Variants in MIEF1 observed in about 807,000 individuals in gnomAD.
MIEF1 encodes mitochondrial dynamics protein MIEF1.
MIEF1 carries 14 observed loss-of-function variants against 35.1 expected under a neutral mutation model. The ratio of observed to expected loss-of-function variants is 0.40; its 90% confidence interval spans 0.26 to 0.62. MIEF1 has a LOEUF of 0.62. Ranked by LOEUF, MIEF1 falls within the 20% of genes least tolerant of loss-of-function variation. MIEF1 has a pLI of 0.43. For missense variants in MIEF1, 542 were observed against 615.4 expected (o/e 0.88, Z 1.26); for synonymous variants, 245 against 254.3 (o/e 0.96, Z 0.35).
chr22:39,513,431 A>T lies in MIEF1; in HGVS notation c.586-86A>T, dbSNP rs547595080. On this transcript the variant is annotated intron_variant, in intron 5 of 5. Coordinates refer to ENST00000325301, the MANE Select transcript of MIEF1 (RefSeq NM_019008.6). Reference sequence around the variant, plus strand: ...GAGTTCCCATTCTTGCTGGGGGGGAATGTAAGATGGTGGGAACCGTCTTAG... The same window carrying T: ...GAGTTCCCATTCTTGCTGGGGGGGATTGTAAGATGGTGGGAACCGTCTTAG... 20 of 1,319,266 alleles carry T rather than the reference A, an allele frequency of 1.5e-5. No homozygotes were observed. The East Asian group carries it at 1.9e-4, about 12-fold the overall frequency. 81.7% of individuals were successfully genotyped at this position (1,319,266 alleles called of 1,614,324 possible). A position where few individuals can be genotyped will look rare whatever the true frequency, so the allele number is the denominator to read the frequency against.
chr22:39,514,234 T>C lies in MIEF1; in HGVS notation c.1303T>C (p.Phe435Leu), dbSNP rs1285800094. 3.1e-6 allele frequency: 5 copies of C among 1,614,076 alleles called. No individual in the cohort carries two copies. In the South Asian group the frequency reaches 3.3e-5, roughly 11 times the overall value. The change falls in exon 6 of 6, where the codon TTT (phenylalanine) becomes CTT (leucine). Residue 435 changes from phenylalanine (F) to leucine (L), a missense_variant. By Grantham distance (22) the Phe-to-Leu change is conservative (BLOSUM62 0). Coordinates refer to ENST00000325301, the MANE Select transcript of MIEF1 (RefSeq NM_019008.6). Reference protein sequence around the residue: ...PSALNPKVNLFAELTPEEIDE... With the variant: ...PSALNPKVNLLAELTPEEIDE... ...TGCCCTAAACCCCAAGGTGAACTTA[T>C]TTGCAGAGCTCACCCCTGAAGAAAT...
At chr22:39,512,110 C>A in intron 4 of MIEF1, 84 bp downstream of exon 4, 1 of 1,557,124 alleles carries the variant, frequency 6.4e-7, no homozygotes. Flanking sequence ...CTGAGCACAT[C>A]TGTGCCAGGC....
intron 2 of MIEF1, among the ~76,000 whole-genome samples, chr22:39,510,615 G>T (rs1569017806): frequency 6.6e-6 from 1 of 152,288 alleles, no homozygotes; most frequent in East Asian, 1.9e-4. Flanking sequence ...CCTATGTTGA[G>T]AACCTCTGTG....
chr22:39,505,689 G>A (rs777162133), intron 2 of MIEF1, among the ~76,000 whole-genome samples: 17 of 152,142 alleles, frequency 1.1e-4, no homozygotes, highest in Non-Finnish European at 1.9e-4. Flanking sequence ...CATTTGTATC[G>A]TAGAGGGAGC....
In MIEF1 at chr22:39,515,557, AG is replaced by A. The variant is rs1178199307; in HGVS notation, c.*1236del. On this transcript the variant is annotated 3_prime_UTR_variant, in exon 6 of 6. Transcript: ENST00000325301. ...GCACCTGGGGAGATCGGTGCTACCA[AG>A]GAAGAGAGCACACAGATAAGACAGA... is the stretch of plus-strand genomic sequence containing the variant. The A allele has an allele frequency of 1.7e-6, 1 of 579,710 alleles. No homozygotes were observed. Among genetic ancestry groups the A allele is most frequent in the African/African-American group, 1.9e-5 (1 of 53,452 alleles). The allele number at this position is 579,710 out of a possible 1,614,324, so 35.9% of individuals were successfully genotyped here.
Position 39,513,582 on chromosome 22 carries a change from T to C in MIEF1, c.651T>C (p.Cys217=). 6.2e-7 allele frequency: 1 copy of C among 1,614,238 alleles called. No individual in the cohort carries two copies. Among genetic ancestry groups the C allele is most frequent in the Non-Finnish European group, 8.5e-7 (1 of 1,180,040 alleles). The part of the protein sequence containing the change: ...PLVLEQNLWS[C]IPGEDTIMNV... Reference sequence around the variant, plus strand: ...TGCTGGAGCAGAACCTGTGGTCATGTATTCCTGGTGAAGACACCATCATGA... The same window carrying C: ...TGCTGGAGCAGAACCTGTGGTCATGCATTCCTGGTGAAGACACCATCATGA... The change falls in exon 6 of 6, where the codon TGT becomes TGC. Residue 217 remains cysteine (C), a synonymous_variant. Coordinates refer to ENST00000325301, the MANE Select transcript of MIEF1 (RefSeq NM_019008.6).
rs144509053 is a variant in MIEF1 at position 39,511,863 on chromosome 22, G to A, written c.159G>A (p.Ala53=). The A allele has an allele frequency of 1.1e-4, 175 of 1,613,284 alleles. No individual in the cohort carries two copies. In the African/African-American group the frequency reaches 2.0e-3, roughly 18 times the overall value. Residue 53 remains alanine (A), a synonymous_variant, in exon 4 of 6, where the codon GCG becomes GCA. Transcript: ENST00000325301. The part of the protein sequence containing the change: ...TLAVKRMYDR[A]ISAPTSPTRL... ...TGCTATTTCAGATGTACGATCGGGC[G>A]ATCAGTGCCCCTACCAGCCCCACCC... is the stretch of plus-strand genomic sequence containing the variant.
chr22:39,512,296 AC>A lies in MIEF1; in HGVS notation c.388del (p.Arg130AspfsTer57). 1 of 1,614,132 alleles carries A rather than the reference AC, an allele frequency of 6.2e-7. No homozygotes were observed. The highest frequency in any genetic ancestry group is 8.5e-7 in the Non-Finnish European group (1 of 1,179,978). ...RKGQVDLKKS[R>X]LRMSLQEKLL... ...AGGGCCAGGTAGACTTGAAGAAGTC[AC>A]GACTCCGCATGTCCCTGCAGGAGAA... On this transcript the variant is annotated frameshift_variant, in exon 5 of 6. Coordinates refer to ENST00000325301, the MANE Select transcript of MIEF1 (RefSeq NM_019008.6). LOFTEE classifies it high-confidence loss of function.
chr22:39,514,528 C>G lies in MIEF1; in HGVS notation c.*205C>G, dbSNP rs950090808. On this transcript the variant is annotated 3_prime_UTR_variant, in exon 6 of 6. Coordinates refer to ENST00000325301, the MANE Select transcript of MIEF1 (RefSeq NM_019008.6). ...CTCTTCCTATTTTTGTTACCAATCACTGTGCTCTCTGCCGCCCCCTGGCTC... is the reference window on the plus strand; with the variant it reads ...CTCTTCCTATTTTTGTTACCAATCAGTGTGCTCTCTGCCGCCCCCTGGCTC... 159 of 602,304 alleles carry G rather than the reference C, an allele frequency of 2.6e-4. No individual in the cohort carries two copies. Among genetic ancestry groups the G allele is most frequent in the Non-Finnish European group, 3.6e-4 (123 of 345,398 alleles). The allele number at this position is 602,304 out of a possible 1,614,324, so 37.3% of individuals were successfully genotyped here.
intron 2 of MIEF1, among the ~76,000 whole-genome samples, chr22:39,510,505 A>G (rs966930369): frequency 6.6e-6 from 1 of 152,186 alleles, no homozygotes; most frequent in Admixed American, 6.5e-5. Flanking sequence ...TTCTGGCCAC[A>G]AGCGATCTTC....
rs746975740 is a variant in MIEF1, at chr22:39,514,010, G to T, written c.1079G>T (p.Arg360Leu). The change falls in exon 6 of 6, where the codon CGA becomes CTA. Residue 360 changes from arginine (R) to leucine (L), a missense_variant. By Grantham distance (102) the Arg-to-Leu change is moderately radical. Transcript: ENST00000325301. Reference protein sequence around the residue: ...RALDQADSGCRSLCLKILKAI... With the variant: ...RALDQADSGCLSLCLKILKAI... Reference sequence around the variant, plus strand: ...CTGGACCAGGCTGACTCGGGCTGCCGATCTCTGTGCCTCAAGATCCTCAAG... The same window carrying T: ...CTGGACCAGGCTGACTCGGGCTGCCTATCTCTGTGCCTCAAGATCCTCAAG... 1.9e-6 allele frequency: 3 copies of T among 1,613,352 alleles called. No individual in the cohort carries two copies. Among genetic ancestry groups the T allele is most frequent in the Non-Finnish European group, 2.5e-6 (3 of 1,180,010 alleles).
chr22:39,513,675 G>C lies in MIEF1; in HGVS notation c.744G>C (p.Trp248Cys). ...ACTTTCCTCGTGGGAGCAGTTACTG[G>C]GACCGCTGTGTAGTAGGGGGCTACC... The part of the protein sequence containing the change: ...PEYFPRGSSY[W>C]DRCVVGGYLS... The change falls in exon 6 of 6, where the codon TGG becomes TGC. Residue 248 changes from tryptophan to cysteine, a missense_variant. By Grantham distance (215) the Trp-to-Cys change is radical (BLOSUM62 -2). Coordinates refer to ENST00000325301, the MANE Select transcript of MIEF1 (RefSeq NM_019008.6). 1 of 1,614,118 alleles carries C rather than the reference G, an allele frequency of 6.2e-7. No homozygotes were observed. Among genetic ancestry groups the C allele is most frequent in the Non-Finnish European group, 8.5e-7 (1 of 1,180,026 alleles).
Position 39,511,304 on chromosome 22 carries a change from G to C in MIEF1, c.10G>C (p.Ala4Pro). The change falls in exon 3 of 6, where the codon GCT becomes CCT. Residue 4 changes from alanine (A) to proline (P), a missense_variant. By Grantham distance (27) the Ala-to-Pro change is conservative. Coordinates refer to ENST00000325301, the MANE Select transcript of MIEF1 (RefSeq NM_019008.6). ...CATTCTCAGATGAGCAATGGCAGGC[G>C]CTGGTGAGCGCAAAGGCAAGAAGGA... The part of the protein sequence containing the change: MAG[A>P]GERKGKKDDN... 6.2e-7 allele frequency: 1 copy of C among 1,613,708 alleles called. No homozygotes were observed. The highest frequency in any genetic ancestry group is 8.5e-7 in the Non-Finnish European group (1 of 1,179,870).
intron 1 of MIEF1, 98 bp from the exon 2 acceptor site, chr22:39,504,105 C>G (rs972587273): frequency 7.6e-6 from 3 of 397,046 alleles, no homozygotes; most frequent in South Asian, 2.9e-4. Flanking sequence ...AGCGGGGGGT[C>G]TCTGGAACTT....
At chr22:39,501,903 G>C (rs377659588), upstream of MIEF1, 1 of 152,564 alleles carries the variant, frequency 6.6e-6, no homozygotes, top group East Asian at 1.9e-4. Context: ...GGGTTTTGAG[G>C]AGCTCTGAAT....
At chr22:39,512,621 C>A in intron 5 of MIEF1, 127 bp downstream of exon 5, 1 of 1,224,822 alleles carries the variant, frequency 8.2e-7, no homozygotes, top group Non-Finnish European at 1.1e-6. Flanking sequence ...CTGTGTACCT[C>A]AGCAGCATTT....
chr22:39,514,473 A>T lies in MIEF1; in HGVS notation c.*150A>T. On this transcript the variant is annotated 3_prime_UTR_variant, in exon 6 of 6. Coordinates refer to ENST00000325301, the MANE Select transcript of MIEF1 (RefSeq NM_019008.6). ...GTCACTTCATGCTGATTAGAATGAC[A>T]TCTCTTTCGTCTCCTATTTTGTTAC... 1 of 712,716 alleles carries T rather than the reference A, an allele frequency of 1.4e-6. No homozygotes were observed. Among genetic ancestry groups the T allele is most frequent in the Non-Finnish European group, 2.3e-6 (1 of 434,648 alleles). 44.1% of individuals were successfully genotyped at this position (712,716 alleles called of 1,614,324 possible). A position where few individuals can be genotyped will look rare whatever the true frequency, so the allele number is the denominator to read the frequency against.
chr22:39,504,185 C>T lies in MIEF1; in HGVS notation c.-339-18C>T, dbSNP rs61678986. 0.023 allele frequency: 9,128 copies of T among 398,922 alleles called. 713 individuals are homozygous for T. The highest frequency in any genetic ancestry group is 0.17 in the African/African-American group (8,146 of 48,694). 24.7% of individuals were successfully genotyped at this position (398,922 alleles called of 1,614,324 possible). A position where few individuals can be genotyped will look rare whatever the true frequency, so the allele number is the denominator to read the frequency against. On this transcript the variant is annotated intron_variant, in intron 1 of 5. Coordinates refer to ENST00000325301, the MANE Select transcript of MIEF1 (RefSeq NM_019008.6). ...TAATTCTGATACTAGGCTTGTATGT[C>T]TTTCCTTCTGTTTATAGTGTGACAC...
intron 1 of MIEF1, among the ~76,000 whole-genome samples, chr22:39,502,859 G>C (rs1461439184): frequency 6.6e-6 from 1 of 152,254 alleles, no homozygotes; most frequent in Non-Finnish European, 1.5e-5. Flanking sequence ...CTCTTAAACA[G>C]TTGAGGAAAA....
Sources: gnomAD v4.1 joint callset for allele counts (sites outside exome capture counted in the v4.1 genomes callset) on GRCh38, gnomAD v4.1.1 for gene constraint, MANE v1.5 for transcripts, NCBI Gene and HGNC (gene_info 2026-07-23, HGNC 2026-07-21) for gene names.